Variants in COX7B2 observed in about 807,000 individuals in gnomAD.
COX7B2 encodes cytochrome c oxidase subunit 7B2, mitochondrial.
For missense variants in COX7B2, 109 were observed against 95.9 expected (o/e 1.14, Z -0.57); for synonymous variants, 37 against 32.1 (o/e 1.15, Z -0.51).
chr4:46,905,105 T>G (rs533391936), intron 1 of COX7B2, among the ~76,000 whole-genome samples: 1 of 152,130 alleles, frequency 6.6e-6, no homozygotes, highest in Non-Finnish European at 1.5e-5. Flanking sequence ...TGAGTTAATA[T>G]TTGCAAAGTA....
At chr4:46,864,845 C>T (rs1302979777) in intron 1 of COX7B2, among the ~76,000 whole-genome samples, 1 of 152,038 alleles carries the variant, frequency 6.6e-6, no homozygotes, top group African/African-American at 2.4e-5. Flanking sequence ...GGTTTTTCAC[C>T]GTGTTAGCCA....
intron 2 of COX7B2, among the ~76,000 whole-genome samples, chr4:46,768,938 C>T (rs1202959143): frequency 4.0e-5 from 6 of 151,778 alleles, no homozygotes; most frequent in Non-Finnish European, 8.8e-5. Flanking sequence ...AACTACACAA[C>T]AATTTGGATA....
chr4:46,829,447 A>T (rs1448861088), intron 2 of COX7B2, among the ~76,000 whole-genome samples: 2 of 152,138 alleles, frequency 1.3e-5, no homozygotes, highest in Non-Finnish European at 2.9e-5. Context: ...AAATAAGTTT[A>T]TTTTAACATG....
At position 46,822,102 on chromosome 4, in the gene COX7B2, G is replaced by A. The variant is rs150924299; in HGVS notation, c.-50+22858C>T. Among the ~76,000 whole-genome samples, 1,171 of 152,176 alleles carry A rather than the reference G, an allele frequency of 7.7e-3. 17 individuals are homozygous for A. The highest frequency in any genetic ancestry group is 0.027 in the African/African-American group (1,128 of 41,504). ...AATTTTTGTATTTTTTAGTAGACAC[G>A]AGGTTTCACCATGTTGGCCAGGATA... is the stretch of plus-strand genomic sequence containing the variant. On this transcript the variant is annotated intron_variant, in intron 2 of 2. Transcript: ENST00000355591.
rs576206840 is a variant in COX7B2 at position 46,898,075 on chromosome 4, G to T, written c.-105+11085C>A. 8.5e-5 allele frequency among the ~76,000 whole-genome samples: 13 copies of T among 152,240 alleles called. 1 individual carries two copies. The Middle Eastern group carries it at 0.01, about 119-fold the overall frequency. ...TGACTGCTGTCACCTTTAGGTTGGA[G>T]AAGTCTGAACCTGTATCTCCTCCCT... On this transcript the variant is annotated intron_variant, in intron 1 of 2. Transcript: ENST00000355591.
chr4:46,904,889 T>C (rs1720281493), intron 1 of COX7B2, among the ~76,000 whole-genome samples: 1 of 152,192 alleles, frequency 6.6e-6, no homozygotes, highest in Non-Finnish European at 1.5e-5. Flanking sequence ...GATTCCTATT[T>C]GTATGTGTCT....
At chr4:46,848,336 C>A (rs1202980469) in intron 1 of COX7B2, among the ~76,000 whole-genome samples, 1 of 151,722 alleles carries the variant, frequency 6.6e-6, no homozygotes, top group African/African-American at 2.4e-5. Context: ...ATTTATTTTT[C>A]AAAAAAATCA....
rs1161193975 is a variant in COX7B2 at position 46,735,259 on chromosome 4, AT to A, written c.-49-19del. On this transcript the variant is annotated intron_variant, in intron 2 of 2. Transcript: ENST00000355591. ...CAAAGAGGCTGGAAAGAGAGAAAAG[AT>A]ATGCATTGATGTCCAATCTTTATTC... 16 of 1,547,562 alleles carry A rather than the reference AT, an allele frequency of 1.0e-5. No individual in the cohort carries two copies. The African/African-American group carries it at 1.9e-4, about 19-fold the overall frequency.
intron 1 of COX7B2, among the ~76,000 whole-genome samples, chr4:46,859,747 G>C (rs144047342): frequency 0.011 from 1,678 of 152,260 alleles, 20 homozygotes; most frequent in Middle Eastern, 0.041. Flanking sequence ...GCATAAGACA[G>C]TCCCACCAGT....
At chr4:46,870,804 G>A (rs1003279068) in intron 1 of COX7B2, among the ~76,000 whole-genome samples, 5 of 152,032 alleles carry the variant, frequency 3.3e-5, no homozygotes, top group Non-Finnish European at 7.4e-5. Context: ...TCTCTACAAT[G>A]AGAATTCCAA....
intron 1 of COX7B2, among the ~76,000 whole-genome samples, chr4:46,888,692 C>T (rs142057834): frequency 0.017 from 2,548 of 152,102 alleles, 63 homozygotes; most frequent in African/African-American, 0.056. Context: ...GTGATCCTCC[C>T]GCCTCGGCCT....
At chr4:46,882,297 G>A (rs547752655) in intron 1 of COX7B2, among the ~76,000 whole-genome samples, 2 of 152,216 alleles carry the variant, frequency 1.3e-5, no homozygotes, top group South Asian at 4.1e-4. Context: ...GTTCTGTAAA[G>A]GTCTATCAGA....
intron 2 of COX7B2, among the ~76,000 whole-genome samples, chr4:46,813,799 C>A (rs1376686370): frequency 2.6e-5 from 4 of 151,904 alleles, no homozygotes; most frequent in African/African-American, 9.7e-5. Flanking sequence ...TTCATCTGAC[C>A]AGCAGTTAAT....
At chr4:46,780,288 C>T (rs534103076) in intron 2 of COX7B2, among the ~76,000 whole-genome samples, 59 of 152,238 alleles carry the variant, frequency 3.9e-4, no homozygotes, top group African/African-American at 1.4e-3. Context: ...GAGGCCGAAG[C>T]AGGTGGATCA....
At chr4:46,767,836 T>C (rs1186983358) in intron 2 of COX7B2, among the ~76,000 whole-genome samples, 1 of 152,248 alleles carries the variant, frequency 6.6e-6, no homozygotes, top group Non-Finnish European at 1.5e-5. Flanking sequence ...TAAAATCAGT[T>C]CTAAACTAAG....
chr4:46,840,206 G>T (rs567853273), intron 2 of COX7B2, among the ~76,000 whole-genome samples: 1 of 152,106 alleles, frequency 6.6e-6, no homozygotes, highest in Non-Finnish European at 1.5e-5. Flanking sequence ...GGAGGAAGGG[G>T]CCTGAAGGAA....
intron 2 of COX7B2, among the ~76,000 whole-genome samples, chr4:46,782,310 C>T (rs11723629): frequency 4.0e-5 from 6 of 151,828 alleles, no homozygotes; most frequent in African/African-American, 7.2e-5. Context: ...GGATTGTAAA[C>T]GCACCAATCA....
At chr4:46,758,711 A>G (rs1715950286) in intron 2 of COX7B2, among the ~76,000 whole-genome samples, 1 of 152,166 alleles carries the variant, frequency 6.6e-6, no homozygotes, top group Non-Finnish European at 1.5e-5. Flanking sequence ...ACCCAAAGAA[A>G]TAAGCATAGG....
At chr4:46,829,695 G>A (rs1714936381) in intron 2 of COX7B2, among the ~76,000 whole-genome samples, 1 of 152,132 alleles carries the variant, frequency 6.6e-6, no homozygotes, top group Non-Finnish European at 1.5e-5. Flanking sequence ...TCTTAAGAAG[G>A]TTTACAATTT....
Sources: allele counts gnomAD v4.1 joint callset (sites outside exome capture counted in the v4.1 genomes callset), GRCh38; gene constraint gnomAD v4.1.1; transcripts MANE v1.5; gene names NCBI Gene and HGNC (gene_info 2026-07-23, HGNC 2026-07-21).